Variants in NDST4 observed in about 807,000 individuals in gnomAD.
NDST4 encodes N-deacetylase and N-sulfotransferase 4, also known as N-heparan sulfate sulfotransferase 4.
In NDST4, 63 loss-of-function variants were observed where a neutral mutation model predicts 100.8. The observed-to-expected ratio is 0.62, with a 90% CI of 0.51 to 0.77. The LOEUF is 0.77. Ranked by LOEUF, NDST4 falls within the 30% of genes least tolerant of loss-of-function variation. The pLI is 0.00. For synonymous variants in NDST4, 377 were observed against 361.8 expected, an observed-to-expected ratio of 1.04 and a Z score of -0.48; for missense variants, 943 against 1,018.4, an observed-to-expected ratio of 0.93 and a Z score of 1.01.
rs1725253316 is a variant in NDST4 at position 114,919,898 on chromosome 4, G to C, written c.1536+15308C>G. Among the ~76,000 whole-genome samples the C allele has an allele frequency of 2.6e-5, 4 of 152,228 alleles. No individual in the cohort carries two copies. In the South Asian group the frequency reaches 8.3e-4, roughly 32 times the overall value. On this transcript the variant is annotated intron_variant, in intron 6 of 13. Transcript: ENST00000264363. ...GGAAGGAGAGTTGACAGTACTTACT[G>C]ATGAATTTATTCATTCAACAGATAT...
intron 2 of NDST4, among the ~76,000 whole-genome samples, chr4:115,012,220 A>T (rs1230140351): frequency 6.6e-6 from 1 of 152,062 alleles, no homozygotes; most frequent in Non-Finnish European, 1.5e-5. Context: ...CCTAGATATC[A>T]TACCTATTAA....
chr4:115,075,784 G>GAAAAAAAAAAA (rs56658909), intron 2 of NDST4, among the ~76,000 whole-genome samples: 3 of 87,434 alleles, frequency 3.4e-5, no homozygotes, highest in Admixed American at 1.5e-4. Flanking sequence ...AGTCTGTTCA[G>GAAAAAAAAAAA]AAAAAAAAAA....
At chr4:114,845,739 T>C in intron 10 of NDST4, 84 bp downstream of exon 10, 1 of 1,257,594 alleles carries the variant, frequency 8.0e-7, no homozygotes, top group Non-Finnish European at 1.1e-6. Context: ...TTTTCATATG[T>C]TTAGGTTCTA....
intron 7 of NDST4, among the ~76,000 whole-genome samples, chr4:114,853,635 A>G (rs567902507): frequency 4.0e-4 from 61 of 152,230 alleles, no homozygotes; most frequent in Non-Finnish European, 4.6e-4. Flanking sequence ...TGACCTACAC[A>G]ATAATTATAT....
In NDST4 at chr4:114,970,593, C is replaced by A; in HGVS notation, c.1067-9G>T. The A allele has an allele frequency of 1.2e-6, 2 of 1,601,044 alleles. No individual in the cohort carries two copies. The highest frequency in any genetic ancestry group is 1.1e-5 in the South Asian group (1 of 88,796). ...ATCTTCCTCTTCAGTCCCTTTAAAA[C>A]ATAAAGTTAAAAATAACTTTAGTGA... On this transcript the variant is annotated splice_polypyrimidine_tract_variant and intron_variant, in intron 3 of 13. Transcript: ENST00000264363.
chr4:115,014,023 T>A (rs1289159264), intron 2 of NDST4, among the ~76,000 whole-genome samples: 1 of 152,036 alleles, frequency 6.6e-6, no homozygotes, highest in East Asian at 1.9e-4. Flanking sequence ...CCTACACAGG[T>A]GGTGACTCAA....
At chr4:115,056,995 TTCTTTCTACTTC>T (rs1407268408) in intron 2 of NDST4, among the ~76,000 whole-genome samples, 4 of 152,188 alleles carry the variant, frequency 2.6e-5, no homozygotes, top group Non-Finnish European at 5.9e-5. Flanking sequence ...GTTGGATTTT[TTCTTTCTACTTC>T]TCTTTCACAC....
intron 7 of NDST4, among the ~76,000 whole-genome samples, chr4:114,867,143 C>A (rs1319723418): frequency 6.6e-6 from 1 of 152,078 alleles, no homozygotes; most frequent in African/African-American, 2.4e-5. Context: ...ATAGGTTGAG[C>A]TAGATGTCCC....
At chr4:114,861,199 C>T (rs2126192724) in intron 7 of NDST4, among the ~76,000 whole-genome samples, 1 of 152,226 alleles carries the variant, frequency 6.6e-6, no homozygotes, top group South Asian at 2.1e-4. Context: ...TAAACCTTCC[C>T]TATTTATTTT....
chr4:115,039,975 G>A (rs377682739), intron 2 of NDST4, among the ~76,000 whole-genome samples: 1 of 151,834 alleles, frequency 6.6e-6, no homozygotes, highest in African/African-American at 2.4e-5. Context: ...GTGTGAATAT[G>A]TATGTACATA....
chr4:115,090,953 A>G (rs974189309), intron 1 of NDST4, among the ~76,000 whole-genome samples: 1 of 152,130 alleles, frequency 6.6e-6, no homozygotes, highest in African/African-American at 2.4e-5. Flanking sequence ...TATTGCTTGT[A>G]TGGTTCCCTG....
rs1428909125 is a variant in NDST4 at position 114,916,590 on chromosome 4, GTA to G, written c.1536+18614_1536+18615del. Among the ~76,000 whole-genome samples, 260 of 148,270 alleles carry G rather than the reference GTA, an allele frequency of 1.8e-3. 1 individual carries two copies. Among genetic ancestry groups the G allele is most frequent in the African/African-American group, 5.9e-3 (237 of 40,026 alleles). On this transcript the variant is annotated intron_variant, in intron 6 of 13. Transcript: ENST00000264363. ...TGTGTGTGTGTGTGTGTGTTTGTGT[GTA>G]TGTGTGTGTGTGTGGCAGTGGAAAT...
chr4:115,019,496 C>T (rs1727761310), intron 2 of NDST4, among the ~76,000 whole-genome samples: 1 of 152,042 alleles, frequency 6.6e-6, no homozygotes, highest in African/African-American at 2.4e-5. Context: ...CTCTAAAATG[C>T]CCGGAGAATA....
intron 6 of NDST4, among the ~76,000 whole-genome samples, chr4:114,900,274 A>C (rs1465925418): frequency 1.3e-5 from 2 of 152,088 alleles, no homozygotes; most frequent in East Asian, 3.9e-4. Context: ...ATTTTAGAGA[A>C]CCAGCTTTTG....
intron 1 of NDST4, among the ~76,000 whole-genome samples, chr4:115,093,869 G>A (rs528364450): frequency 9.1e-4 from 139 of 151,936 alleles, no homozygotes; most frequent in African/African-American, 3.2e-3. Flanking sequence ...ATCTTAAAAA[G>A]CTAGAAAAAG....
intron 1 of NDST4, among the ~76,000 whole-genome samples, chr4:115,093,242 A>C (rs940552450): frequency 6.6e-6 from 1 of 152,094 alleles, no homozygotes; most frequent in Non-Finnish European, 1.5e-5. Context: ...TTGGGAGGCC[A>C]AGGTGGGCAG....
chr4:114,956,897 A>C (rs1319777998), intron 4 of NDST4, among the ~76,000 whole-genome samples: 2 of 152,234 alleles, frequency 1.3e-5, no homozygotes, highest in Admixed American at 6.5e-5. Context: ...AATACAAGAT[A>C]TACAAAGAAA....
chr4:114,863,984 C>T (rs1723972286), intron 7 of NDST4, among the ~76,000 whole-genome samples: 1 of 152,086 alleles, frequency 6.6e-6, no homozygotes, highest in South Asian at 2.1e-4. Context: ...AATATCATAC[C>T]ATTTACCTTA....
At chr4:114,879,671 G>C (rs1015247696) in intron 6 of NDST4, among the ~76,000 whole-genome samples, 2 of 152,108 alleles carry the variant, frequency 1.3e-5, no homozygotes, top group Non-Finnish European at 2.9e-5. Context: ...TAATAGGTAT[G>C]CAAAAAATAT....
Sources: allele counts gnomAD v4.1 joint callset (sites outside exome capture counted in the v4.1 genomes callset), GRCh38; gene constraint gnomAD v4.1.1; transcripts MANE v1.5; gene names NCBI Gene and HGNC (gene_info 2026-07-23, HGNC 2026-07-21).